Variants in DPP10 observed in about 807,000 individuals in gnomAD.
The protein encoded by DPP10 is dipeptidyl peptidase like 10, also known as inactive dipeptidyl peptidase 10.
DPP10 carries 33 observed loss-of-function variants against 120.9 expected under a neutral mutation model. The observed-to-expected ratio is 0.27, with a 90% CI of 0.21 to 0.37. DPP10 has a LOEUF of 0.37. DPP10 is among the 10% of genes least tolerant of loss of function. DPP10 has a pLI of 1.00. For synonymous variants in DPP10, 337 were observed against 326.1 expected (o/e 1.03, Z -0.36); for missense variants, 816 against 942.8 (o/e 0.87, Z 1.76).
chr2:115,595,154 A>C (rs2149191968), intron 5 of DPP10, among the ~76,000 whole-genome samples: 1 of 152,234 alleles, frequency 6.6e-6, no homozygotes. Flanking sequence ...TATTTTAGAA[A>C]GCAAAAACAT....
chr2:114,879,014 T>G (rs947122012), intron 1 of DPP10, among the ~76,000 whole-genome samples: 2 of 152,132 alleles, frequency 1.3e-5, no homozygotes, highest in African/African-American at 4.8e-5. Context: ...GGTGTGTGAT[T>G]ATCTTTTCTA....
chr2:115,260,052 A>G lies in DPP10; in HGVS notation c.61-49187A>G, dbSNP rs1238007830. On this transcript the variant is annotated intron_variant, in intron 1 of 25. Transcript: ENST00000410059. ...ATAAATTTGAAAATTTATACAATTCATTCACGCTTTTCCATAAAACAACAC... is the reference window on the plus strand; with the variant it reads ...ATAAATTTGAAAATTTATACAATTCGTTCACGCTTTTCCATAAAACAACAC... 4.6e-5 allele frequency among the ~76,000 whole-genome samples: 7 copies of G among 151,272 alleles called. No homozygotes were observed. The South Asian group carries it at 6.2e-4, about 13-fold the overall frequency.
intron 1 of DPP10, among the ~76,000 whole-genome samples, chr2:115,057,924 G>A (rs1706062124): frequency 6.6e-6 from 1 of 152,176 alleles, no homozygotes; most frequent in African/African-American, 2.4e-5. Flanking sequence ...CTGGAACTAG[G>A]TACAAGCCTA....
chr2:114,530,860 T>G (rs900382637), intron 1 of DPP10, among the ~76,000 whole-genome samples: 4 of 152,102 alleles, frequency 2.6e-5, no homozygotes, highest in African/African-American at 9.7e-5. Flanking sequence ...ACAAAACCAC[T>G]GCTGGCCAGT....
chr2:114,667,010 A>G (rs1300970139), intron 1 of DPP10, among the ~76,000 whole-genome samples: 3 of 152,136 alleles, frequency 2.0e-5, no homozygotes, highest in Non-Finnish European at 4.4e-5. Context: ...GTAATTGGTA[A>G]TTTCTTTACT....
intron 17 of DPP10, among the ~76,000 whole-genome samples, chr2:115,787,863 A>G (rs1371251766): frequency 6.6e-6 from 1 of 152,196 alleles, no homozygotes; most frequent in East Asian, 1.9e-4. Context: ...GCACATAGTA[A>G]AAACGAATGA....
chr2:115,707,357 A>T (rs1014486609), intron 7 of DPP10, among the ~76,000 whole-genome samples: 2 of 151,800 alleles, frequency 1.3e-5, no homozygotes, highest in Non-Finnish European at 2.9e-5. Context: ...ATATAAAAGA[A>T]TTGAATTCAT....
chr2:115,683,316 T>A lies in DPP10; in HGVS notation c.442-6371T>A, dbSNP rs1034427699. 4.6e-5 allele frequency among the ~76,000 whole-genome samples: 7 copies of A among 151,850 alleles called. No homozygotes were observed. The East Asian group carries it at 7.7e-4, about 17-fold the overall frequency. On this transcript the variant is annotated intron_variant, in intron 5 of 25. Transcript: ENST00000410059. ...CAAAATTGTGGAGACAGTAAAAAAA[T>A]TTAGCATTTGCTCGGGATTAGGATG...
chr2:114,829,839 G>A (rs1253473794), intron 1 of DPP10, among the ~76,000 whole-genome samples: 10 of 152,042 alleles, frequency 6.6e-5, no homozygotes. Context: ...TCTTGAAAGC[G>A]TCACTATGCG....
At chr2:115,404,128 G>A (rs1051813568) in intron 3 of DPP10, among the ~76,000 whole-genome samples, 1 of 152,050 alleles carries the variant, frequency 6.6e-6, no homozygotes, top group African/African-American at 2.4e-5. Flanking sequence ...ATGGGTTCAC[G>A]CTTCTACAGG....
intron 3 of DPP10, among the ~76,000 whole-genome samples, chr2:115,466,660 A>G (rs1315831393): frequency 1.3e-5 from 2 of 152,162 alleles, no homozygotes; most frequent in Non-Finnish European, 2.9e-5. Flanking sequence ...ACATAATAAA[A>G]TATTAATTGT....
At chr2:114,502,763 A>G (rs958012548) in intron 1 of DPP10, among the ~76,000 whole-genome samples, 6 of 152,212 alleles carry the variant, frequency 3.9e-5, no homozygotes, top group African/African-American at 1.4e-4. Flanking sequence ...CTTGTATTAG[A>G]ATTCAGACAT....
intron 1 of DPP10, among the ~76,000 whole-genome samples, chr2:115,113,136 A>G (rs77805034): frequency 1.5e-3 from 233 of 152,036 alleles, no homozygotes; most frequent in African/African-American, 5.2e-3. Context: ...TTATATAATC[A>G]TAACATGTAA....
chr2:114,725,620 A>G (rs1022113575), intron 1 of DPP10, among the ~76,000 whole-genome samples: 3 of 152,210 alleles, frequency 2.0e-5, no homozygotes, highest in African/African-American at 2.4e-5. Flanking sequence ...TTTACTGAGC[A>G]TTACTATGTT....
chr2:114,650,626 A>G (rs562378153), intron 1 of DPP10, among the ~76,000 whole-genome samples: 2 of 152,290 alleles, frequency 1.3e-5, no homozygotes, highest in Admixed American at 6.5e-5. Context: ...GGAATTAGAA[A>G]GATAAGGAGT....
At chr2:115,153,506 G>A (rs1270444804) in intron 1 of DPP10, among the ~76,000 whole-genome samples, 1 of 152,160 alleles carries the variant, frequency 6.6e-6, no homozygotes, top group East Asian at 1.9e-4. Flanking sequence ...AGACACAAGG[G>A]CACCCACACT....
chr2:115,161,387 G>C (rs2052324980), intron 1 of DPP10: 1 of 152,188 alleles, frequency 6.6e-6, no homozygotes, highest in Non-Finnish European at 1.5e-5. Context: ...GCTTCTCCGG[G>C]TTTTAGCGGA....
At chr2:114,693,465 T>C (rs1422405534) in intron 1 of DPP10, among the ~76,000 whole-genome samples, 8 of 151,972 alleles carry the variant, frequency 5.3e-5, no homozygotes, top group African/African-American at 1.9e-4. Context: ...TCTGATGGCT[T>C]TTCCTTTGTA....
chr2:114,899,037 A>T (rs371109083), intron 1 of DPP10, among the ~76,000 whole-genome samples: 1 of 152,106 alleles, frequency 6.6e-6, no homozygotes, highest in Non-Finnish European at 1.5e-5. Context: ...CACAGGAAAA[A>T]TGCATATTAA....
Sources: allele counts gnomAD v4.1 joint callset (sites outside exome capture counted in the v4.1 genomes callset), GRCh38; gene constraint gnomAD v4.1.1; transcripts MANE v1.5; gene names NCBI Gene and HGNC (gene_info 2026-07-23, HGNC 2026-07-21).